CPNE4: variants seen among roughly 807,000 people sequenced by gnomAD.
The protein encoded by CPNE4 is copine 4.
In CPNE4, 25 loss-of-function variants were observed where a neutral mutation model predicts 67.9. That is an observed-to-expected ratio of 0.37 (90% CI 0.27 to 0.51). CPNE4 has a LOEUF of 0.51. Ranked by LOEUF, CPNE4 falls within the 20% of genes least tolerant of loss-of-function variation. CPNE4 has a pLI of 0.93. For synonymous variants in CPNE4, 242 were observed against 244.9 expected (o/e 0.99, Z 0.11); for missense variants, 464 against 690.8 (o/e 0.67, Z 3.68).
intron 7 of CPNE4, among the ~76,000 whole-genome samples, chr3:131,618,846 T>C (rs942547192): frequency 3.3e-5 from 5 of 152,084 alleles, no homozygotes; most frequent in African/African-American, 9.7e-5. Flanking sequence ...CTGAACACCA[T>C]AGAGTGGTTC....
At chr3:131,544,323 T>TAAAG in intron 14 of CPNE4, among the ~76,000 whole-genome samples, 1 of 152,148 alleles carries the variant, frequency 6.6e-6, no homozygotes, top group South Asian at 2.1e-4. Flanking sequence ...TTGGTAGTAC[T>TAAAG]AAAGAATTTC....
intron 2 of CPNE4, among the ~76,000 whole-genome samples, chr3:131,820,737 T>G (rs1398012933): frequency 1.3e-5 from 2 of 152,198 alleles, no homozygotes; most frequent in Non-Finnish European, 2.9e-5. Context: ...AAACACACAC[T>G]CATCTCTTTT....
intron 2 of CPNE4, among the ~76,000 whole-genome samples, chr3:131,861,539 T>A (rs1026364768): frequency 1.3e-5 from 2 of 151,998 alleles, no homozygotes; most frequent in African/African-American, 4.8e-5. Context: ...CAAGCGGTTC[T>A]CCTGCCTCAG....
At chr3:131,629,681 G>T (rs978565051) in intron 7 of CPNE4, among the ~76,000 whole-genome samples, 1 of 152,178 alleles carries the variant, frequency 6.6e-6, no homozygotes, top group African/African-American at 2.4e-5. Context: ...CTGGCCTCAA[G>T]TCATCTGACT....
chr3:131,610,589 GT>G (rs1939780745), intron 7 of CPNE4, among the ~76,000 whole-genome samples: 1 of 152,178 alleles, frequency 6.6e-6, no homozygotes, highest in African/African-American at 2.4e-5. Context: ...TGACTACACT[GT>G]TTTTAGATAT....
chr3:131,542,617 G>C lies in CPNE4; in HGVS notation c.1479C>G (p.Pro493=), dbSNP rs1404110614. The change falls in exon 15 of 16, where the codon CCC becomes CCG. Residue 493 remains proline, a synonymous_variant. Coordinates refer to ENST00000429747, the MANE Select transcript of CPNE4 (RefSeq NM_130808.3). The part of the protein sequence containing the change: ...LDGDDGILRS[P]KGEPVLRDIV... Reference sequence around the variant, plus strand: ...TGTCTCGAAGAACAGGCTCTCCCTTGGGTGACCTCAGAATCCCATCATCAC... The same window carrying C: ...TGTCTCGAAGAACAGGCTCTCCCTTCGGTGACCTCAGAATCCCATCATCAC... 2 of 1,614,080 alleles carry C rather than the reference G, an allele frequency of 1.2e-6. No individual in the cohort carries two copies. Among genetic ancestry groups the C allele is most frequent in the Non-Finnish European group, 1.7e-6 (2 of 1,179,976 alleles).
chr3:131,965,013 A>G (rs1447546498), intron 1 of CPNE4, among the ~76,000 whole-genome samples: 4 of 152,228 alleles, frequency 2.6e-5, no homozygotes, highest in Non-Finnish European at 5.9e-5. Flanking sequence ...CCATCAGACT[A>G]ACAGTGGATC....
upstream of CPNE4, chr3:132,037,644 C>T (rs1444815170): frequency 6.5e-7 from 1 of 1,527,098 alleles, no homozygotes; most frequent in South Asian, 1.2e-5. Context: ...CACAAAGTCA[C>T]TGTGGCCCTG....
chr3:131,590,820 C>G (rs1056341343), intron 7 of CPNE4, among the ~76,000 whole-genome samples: 2 of 152,136 alleles, frequency 1.3e-5, no homozygotes, highest in Admixed American at 1.3e-4. Context: ...TAGTTCTAGT[C>G]ACAAAGGATA....
At chr3:131,946,213 C>T (rs1346450253) in intron 1 of CPNE4, among the ~76,000 whole-genome samples, 2 of 152,140 alleles carry the variant, frequency 1.3e-5, no homozygotes, top group African/African-American at 4.8e-5. Context: ...ACCACCAATC[C>T]ACATTCCATC....
intron 2 of CPNE4, among the ~76,000 whole-genome samples, chr3:131,765,630 T>C (rs1412767739): frequency 6.6e-6 from 1 of 152,128 alleles, no homozygotes; most frequent in Non-Finnish European, 1.5e-5. Flanking sequence ...AGTCTAATCA[T>C]CTTTGCTTGA....
At chr3:131,768,409 A>G (rs377595744) in intron 2 of CPNE4, among the ~76,000 whole-genome samples, 3 of 152,268 alleles carry the variant, frequency 2.0e-5, no homozygotes, top group Admixed American at 2.0e-4. Flanking sequence ...TGGGACAGAA[A>G]TTGAATCAGA....
chr3:131,602,496 A>T (rs1939261137), intron 7 of CPNE4, among the ~76,000 whole-genome samples: 1 of 152,160 alleles, frequency 6.6e-6, no homozygotes, highest in Non-Finnish European at 1.5e-5. Context: ...TCTGGATTGC[A>T]GCCAAGCTAG....
chr3:131,678,174 T>C (rs541711483), intron 6 of CPNE4, among the ~76,000 whole-genome samples: 14 of 152,240 alleles, frequency 9.2e-5, no homozygotes, highest in African/African-American at 3.4e-4. Context: ...TCTAGGCATG[T>C]CACTCTTTTT....
rs139421941 is a variant in CPNE4, at chr3:132,004,969, G to A, written c.-2+29598C>T. ...CATCCATTTTTCTCTCCTTCTGGGC[G>A]CAAAAGATAATTCCTCTTTTCCACC... On this transcript the variant is annotated intron_variant, in intron 1 of 15. Coordinates refer to ENST00000429747, the MANE Select transcript of CPNE4 (RefSeq NM_130808.3). Among the ~76,000 whole-genome samples the A allele has an allele frequency of 5.9e-4, 89 of 152,112 alleles. 1 individual carries two copies. The East Asian group carries it at 0.013, about 21-fold the overall frequency.
intron 2 of CPNE4, among the ~76,000 whole-genome samples, chr3:131,839,558 A>G (rs762138862): frequency 1.9e-4 from 29 of 151,946 alleles, no homozygotes; most frequent in Non-Finnish European, 3.5e-4. Flanking sequence ...TTATATATCA[A>G]TATATTAACC....
chr3:131,796,957 CTCTT>C (rs1036125516), intron 2 of CPNE4, among the ~76,000 whole-genome samples: 11 of 152,234 alleles, frequency 7.2e-5, no homozygotes, highest in African/African-American at 2.2e-4. Context: ...AGACTGTTCT[CTCTT>C]TCTTTGGAAA....
intron 2 of CPNE4, among the ~76,000 whole-genome samples, chr3:131,900,274 A>C (rs1841533): frequency 0.35 from 53,542 of 151,924 alleles, 9,648 homozygotes; most frequent in Admixed American, 0.44. Context: ...GAAAAATGCA[A>C]ATCAAAACTA....
chr3:131,615,863 A>C (rs969736826), intron 7 of CPNE4, among the ~76,000 whole-genome samples: 8 of 150,116 alleles, frequency 5.3e-5, no homozygotes, highest in African/African-American at 2.0e-4. Flanking sequence ...CAGCCTGGGC[A>C]ACAAGAGCAA....
Sources: gnomAD v4.1 joint callset for allele counts (sites outside exome capture counted in the v4.1 genomes callset) on GRCh38, gnomAD v4.1.1 for gene constraint, MANE v1.5 for transcripts, NCBI Gene and HGNC (gene_info 2026-07-23, HGNC 2026-07-21) for gene names.